Variants in NMI observed in about 807,000 individuals in gnomAD.
NMI encodes N-myc-interactor.
In NMI, 39 loss-of-function variants were observed where a neutral mutation model predicts 34.3. That is an observed-to-expected ratio of 1.14 (90% CI 0.88 to 1.49). The LOEUF (loss-of-function observed/expected upper bound fraction) is 1.49, where lower values mean the gene tolerates loss of function less well. Among genes scored for constraint, NMI ranks in the 40% most tolerant of loss-of-function variants. NMI has a pLI of 0.00. For missense variants in NMI, 339 were observed against 358.1 expected (o/e 0.95, Z 0.43); for synonymous variants, 113 against 120.3 (o/e 0.94, Z 0.40).
intron 1 of NMI, among the ~76,000 whole-genome samples, chr2:151,283,205 A>G (rs1014312159): frequency 6.6e-6 from 1 of 151,498 alleles, no homozygotes; most frequent in Non-Finnish European, 1.5e-5. Context: ...CAATGGTGCG[A>G]TCTTGGCTCA....
intron 2 of NMI, 93 bp from the exon 3 acceptor site, chr2:151,282,136 C>A (rs1683418782): frequency 4.7e-6 from 3 of 636,406 alleles, no homozygotes; most frequent in Non-Finnish European, 8.4e-6. Flanking sequence ...CTCATCCTGA[C>A]CAAAGAAAGA....
At chr2:151,272,755 A>G (rs563113383) in intron 6 of NMI, among the ~76,000 whole-genome samples, 19 of 152,336 alleles carry the variant, frequency 1.2e-4, no homozygotes, top group African/African-American at 4.6e-4. Context: ...TCAGCCTTTA[A>G]AAAGGATGAA....
At chr2:151,272,243 C>A (rs1573740660) in intron 6 of NMI, among the ~76,000 whole-genome samples, 2 of 152,250 alleles carry the variant, frequency 1.3e-5, no homozygotes, top group Admixed American at 6.5e-5. Flanking sequence ...CAGTTTTCTA[C>A]AACACAAAGA....
At chr2:151,270,950 G>A (rs1573739966) in intron 7 of NMI, 75 bp from the exon 8 acceptor site, 1 of 1,113,400 alleles carries the variant, frequency 9.0e-7, no homozygotes, top group East Asian at 2.5e-5. Context: ...CATAATCTCT[G>A]CTTAATATTT....
chr2:151,288,732 G>A (rs1683557499), intron 1 of NMI, among the ~76,000 whole-genome samples: 2 of 152,000 alleles, frequency 1.3e-5, no homozygotes, highest in South Asian at 4.2e-4. Context: ...GTGTAGAATC[G>A]AATCTTCCTA....
At chr2:151,279,554 G>A (rs369432362) in intron 3 of NMI, among the ~76,000 whole-genome samples, 4 of 151,956 alleles carry the variant, frequency 2.6e-5, no homozygotes, top group African/African-American at 7.2e-5. Context: ...TCGGCTCACT[G>A]CAACCTCCAC....
At chr2:151,287,697 G>A (rs578077993) in intron 1 of NMI, among the ~76,000 whole-genome samples, 9 of 152,020 alleles carry the variant, frequency 5.9e-5, no homozygotes, top group East Asian at 1.9e-4. Flanking sequence ...CTTTAATTAC[G>A]TGTGTACCTA....
chr2:151,275,811 T>C lies in NMI; in HGVS notation c.394A>G (p.Asn132Asp). Reference sequence around the variant, plus strand: ...ACTGGCTTGGCCGTAACCTCCAGATTTACATCTTTTATCTGTACATGATGT... The same window carrying C: ...ACTGGCTTGGCCGTAACCTCCAGATCTACATCTTTTATCTGTACATGATGT... ...SKHHVQIKDV[N>D]LEVTAKPVPL... is the part of the protein sequence containing the mutation. The change falls in exon 5 of 8, where the codon AAT becomes GAT. Residue 132 changes from asparagine (N) to aspartate (D), a missense_variant. Transcript: ENST00000243346. The C allele has an allele frequency of 6.2e-7, 1 of 1,613,522 alleles. No homozygotes were observed. Among genetic ancestry groups the C allele is most frequent in the Non-Finnish European group, 8.5e-7 (1 of 1,179,702 alleles).
At chr2:151,273,648 A>G (rs1683226918) in intron 6 of NMI, among the ~76,000 whole-genome samples, 1 of 152,068 alleles carries the variant, frequency 6.6e-6, no homozygotes, top group African/African-American at 2.4e-5. Context: ...TCAGCCTCCC[A>G]AGTAGTTGGG....
At chr2:151,283,056 C>A (rs1426613890) in intron 1 of NMI, 102 bp from the exon 2 acceptor site, 7 of 507,784 alleles carry the variant, frequency 1.4e-5, no homozygotes, top group Non-Finnish European at 2.3e-5. Flanking sequence ...AACATCTCTT[C>A]TTTGCTATAT....
At chr2:151,275,962 T>C (rs1248306859) in intron 4 of NMI, 98 bp from the exon 5 acceptor site, 3 of 821,380 alleles carry the variant, frequency 3.7e-6, no homozygotes, top group Non-Finnish European at 5.6e-6. Flanking sequence ...TTTTTAATTT[T>C]CTTTAATATT....
At chr2:151,278,760 G>A in intron 4 of NMI, 68 bp downstream of exon 4, 2 of 1,186,378 alleles carry the variant, frequency 1.7e-6, no homozygotes, top group Non-Finnish European at 2.5e-6. Flanking sequence ...TATTAGCGAA[G>A]TAATAGCTAA....
In NMI at chr2:151,271,666, G is replaced by A. The variant is rs1683189743; in HGVS notation, c.701C>T (p.Thr234Ile). The change falls in exon 7 of 8, where the codon ACT (threonine) becomes ATT (isoleucine). Residue 234 changes from threonine to isoleucine, a missense_variant. Transcript: ENST00000243346. Reference protein sequence around the residue: ...LYINQTCHRVTVSPYTEIHLK... With the variant: ...LYINQTCHRVIVSPYTEIHLK... Reference sequence around the variant, plus strand: ...GTGTATTTCTGTGTATGGAGAAACAGTAACTCTATGGCAGGTTTGATTTAT... The same window carrying A: ...GTGTATTTCTGTGTATGGAGAAACAATAACTCTATGGCAGGTTTGATTTAT... 3 of 1,584,024 alleles carry A rather than the reference G, an allele frequency of 1.9e-6. No homozygotes were observed. The highest frequency in any genetic ancestry group is 2.7e-5 in the African/African-American group (2 of 74,196).
intron 6 of NMI, among the ~76,000 whole-genome samples, chr2:151,272,821 T>C (rs1411773554): frequency 6.6e-6 from 1 of 152,046 alleles, no homozygotes; most frequent in African/African-American, 2.4e-5. Flanking sequence ...CTAACCAAAA[T>C]AAGACAGACA....
chr2:151,271,330 C>T (rs890972454), intron 7 of NMI, among the ~76,000 whole-genome samples: 1 of 152,154 alleles, frequency 6.6e-6, no homozygotes, highest in Non-Finnish European at 1.5e-5. Flanking sequence ...TTCTCATGCT[C>T]ACTGACAGTA....
rs149577689 is a variant in NMI at position 151,275,539 on chromosome 2, G to A, written c.579C>T (p.Arg193=). The A allele has an allele frequency of 8.1e-5, 131 of 1,614,116 alleles. No homozygotes were observed. In the Middle Eastern group the frequency reaches 1.2e-3, roughly 14 times the overall value. Residue 193 remains arginine, a synonymous_variant, in exon 6 of 8, where the codon CGC becomes CGT. Coordinates refer to ENST00000243346, the MANE Select transcript of NMI (RefSeq NM_004688.3). ...TCCCGGACTGTCTGTCATAGTCCAC[G>A]CGGTCCACCTCTCCGCCTCCATTTC... ...KSRNGGGEVD[R]VDYDRQSGSA...
chr2:151,277,625 C>T (rs1364934022), intron 4 of NMI: 2 of 152,188 alleles, frequency 1.3e-5, no homozygotes, highest in Non-Finnish European at 2.9e-5. Flanking sequence ...ATCCCGATTA[C>T]CAGTCGCCAG....
At chr2:151,276,064 G>A (rs1237037496) in intron 4 of NMI, among the ~76,000 whole-genome samples, 200 bp from the exon 5 acceptor site, 1 of 152,060 alleles carries the variant, frequency 6.6e-6, no homozygotes, top group Non-Finnish European at 1.5e-5. Context: ...GGGGGTCAGG[G>A]GGAAGGAGGA....
At chr2:151,276,434 C>T (rs1024571680) in intron 4 of NMI, among the ~76,000 whole-genome samples, 15 of 152,168 alleles carry the variant, frequency 9.9e-5, no homozygotes, top group Admixed American at 4.6e-4. Context: ...AGATTCTTCT[C>T]ATAAGATGAA....
Sources: allele counts gnomAD v4.1 joint callset (sites outside exome capture counted in the v4.1 genomes callset), GRCh38; gene constraint gnomAD v4.1.1; transcripts MANE v1.5; gene names NCBI Gene and HGNC (gene_info 2026-07-23, HGNC 2026-07-21).